SEPSECS: variants seen among roughly 807,000 people sequenced by gnomAD.
SEPSECS encodes O-phosphoseryl-tRNA(Sec) selenium transferase.
SEPSECS carries 42 observed loss-of-function variants against 52.1 expected under a neutral mutation model. The observed-to-expected ratio is 0.81, with a 90% confidence interval of 0.63 to 1.04. The LOEUF is 1.04. SEPSECS is among the 50% of genes least tolerant of loss of function. The pLI is 0.00. For synonymous variants in SEPSECS, 216 were observed against 211.4 expected (o/e 1.02, Z -0.19); for missense variants, 590 against 610.6 (o/e 0.97, Z 0.36).
chr4:25,152,647 A>G (rs1310746463), intron 5 of SEPSECS, among the ~76,000 whole-genome samples: 1 of 151,902 alleles, frequency 6.6e-6, no homozygotes, highest in East Asian at 1.9e-4. Flanking sequence ...TTTTAAATCC[A>G]CCCTTATCTA....
intron 3 of SEPSECS, among the ~76,000 whole-genome samples, chr4:25,156,474 G>A (rs1329495000): frequency 3.3e-5 from 5 of 151,794 alleles, no homozygotes; most frequent in Non-Finnish European, 7.4e-5. Flanking sequence ...GGAGGCCAAG[G>A]CGGGCGGATC....
chr4:25,129,300 A>C (rs1728515602), intron 8 of SEPSECS, among the ~76,000 whole-genome samples: 1 of 151,016 alleles, frequency 6.6e-6, no homozygotes, highest in Non-Finnish European at 1.5e-5. Flanking sequence ...TTCCAGAAAC[A>C]AAAAAAAAGC....
Position 25,160,437 on chromosome 4 carries a change from C to T in SEPSECS, c.-68G>A, listed in dbSNP as rs1713007305. The T allele has an allele frequency of 7.8e-7, 1 of 1,284,456 alleles. No homozygotes were observed. Among genetic ancestry groups the T allele is most frequent in the East Asian group, 2.6e-5 (1 of 38,900 alleles). The allele number at this position is 1,284,456 out of a possible 1,614,324, so 79.6% of individuals were successfully genotyped here. A position where few individuals can be genotyped will look rare whatever the true frequency, so the allele number is the denominator to read the frequency against. On this transcript the variant is annotated 5_prime_UTR_variant, in exon 1 of 11. Coordinates refer to ENST00000382103, the MANE Select transcript of SEPSECS (RefSeq NM_016955.4). ...CCACACGCCAGACACACGACGGAACCAGAATGCAACTCGCCGCCTGGACGG... is the reference window on the plus strand; with the variant it reads ...CCACACGCCAGACACACGACGGAACTAGAATGCAACTCGCCGCCTGGACGG...
chr4:25,142,794 T>C (rs1164067548), intron 8 of SEPSECS, among the ~76,000 whole-genome samples: 1 of 152,240 alleles, frequency 6.6e-6, no homozygotes, highest in Non-Finnish European at 1.5e-5. Flanking sequence ...ATATGCCTTA[T>C]ACTGGATTAC....
At position 25,121,055 on chromosome 4, in the gene SEPSECS, T is replaced by A. The variant is rs543762811; in HGVS notation, c.*2876A>T. 1.1e-4 allele frequency: 17 copies of A among 152,160 alleles called. No individual in the cohort carries two copies. Among genetic ancestry groups the A allele is most frequent in the Non-Finnish European group, 1.6e-4 (11 of 68,000 alleles). 9.4% of individuals were successfully genotyped at this position (152,160 alleles called of 1,614,324 possible). The stretch of plus-strand genomic sequence containing the variant: ...TTATATTTAAATTTACCATTCTGTA[T>A]ATCAAGTGCCTATTGGCTGAACAGA... On this transcript the variant is annotated 3_prime_UTR_variant, in exon 11 of 11. Transcript: ENST00000382103.
At chr4:25,136,114 G>T (rs1728831211) in intron 8 of SEPSECS, among the ~76,000 whole-genome samples, 1 of 152,076 alleles carries the variant, frequency 6.6e-6, no homozygotes, top group South Asian at 2.1e-4. Context: ...ATGGGCAAAA[G>T]CTGGAAGCAT....
intron 8 of SEPSECS, among the ~76,000 whole-genome samples, chr4:25,127,791 G>T (rs1424935474): frequency 1.3e-5 from 2 of 152,094 alleles, no homozygotes; most frequent in African/African-American, 2.4e-5. Flanking sequence ...CTCCCCTGAT[G>T]ACTTCCTCCA....
At chr4:25,144,695 C>A in intron 8 of SEPSECS, 79 bp downstream of exon 8, 1 of 1,038,942 alleles carries the variant, frequency 9.6e-7, no homozygotes, top group Non-Finnish European at 1.5e-6. Flanking sequence ...GTGCAAGAAA[C>A]CAACAGGCAG....
At chr4:25,142,447 C>G (rs1711627582) in intron 8 of SEPSECS, among the ~76,000 whole-genome samples, 1 of 152,190 alleles carries the variant, frequency 6.6e-6, no homozygotes, top group Non-Finnish European at 1.5e-5. Flanking sequence ...CTGTTTATTG[C>G]TGGTTTCCCC....
In SEPSECS at chr4:25,156,060, C is replaced by T; in HGVS notation, c.524G>A (p.Cys175Tyr). The stretch of plus-strand genomic sequence containing the variant: ...ACCTGCAGTGATCATGGATTTAAAG[C>T]AGGACTTCTGGTCTATTCGTGGCCA... ...IIWPRIDQKS[C>Y]FKSMITAGFE... is the part of the protein sequence containing the mutation. Residue 175 changes from cysteine (C) to tyrosine (Y), a missense_variant, in exon 4 of 11, where the codon TGC becomes TAC. Physicochemically the swap from Cys to Tyr is radical, Grantham distance 194. Coordinates refer to ENST00000382103, the MANE Select transcript of SEPSECS (RefSeq NM_016955.4). 2 of 1,613,898 alleles carry T rather than the reference C, an allele frequency of 1.2e-6. No homozygotes were observed. The highest frequency in any genetic ancestry group is 1.7e-6 in the Non-Finnish European group (2 of 1,179,874).
intron 6 of SEPSECS, among the ~76,000 whole-genome samples, chr4:25,147,531 C>T (rs1712036858): frequency 6.6e-6 from 1 of 152,192 alleles, no homozygotes. Flanking sequence ...TCCATTGTGA[C>T]TCAAAATAAT....
intron 2 of SEPSECS, 32 bp from the exon 3 acceptor site, chr4:25,157,006 A>C: frequency 9.1e-7 from 1 of 1,104,956 alleles, no homozygotes; most frequent in Non-Finnish European, 1.4e-6. Flanking sequence ...AACTGGACAA[A>C]TACATTCAGC....
intron 5 of SEPSECS, 58 bp downstream of exon 5, chr4:25,154,940 T>C (rs1712528041): frequency 2.0e-6 from 3 of 1,506,948 alleles, no homozygotes; most frequent in Non-Finnish European, 2.8e-6. Flanking sequence ...TGAGAATTAG[T>C]ATATTTTATT....
chr4:25,124,150 G>T lies in SEPSECS; in HGVS notation c.1287C>A (p.Tyr429Ter), dbSNP rs201427786. 8.2e-5 allele frequency: 132 copies of T among 1,613,466 alleles called. No individual in the cohort carries two copies. ...ATGCAGCATTGAGGTAAGCACAAGG[G>T]TAATTATTTGTATGTGACATAAAGC... ...FRGFMSHTNN[Y>*]PCAYLNAASA... Residue 429 changes from tyrosine to a stop codon, truncating the protein, a stop_gained, in exon 11 of 11, where the codon TAC becomes TAA. Coordinates refer to ENST00000382103, the MANE Select transcript of SEPSECS (RefSeq NM_016955.4). LOFTEE classifies it high-confidence loss of function.
chr4:25,156,025 C>G lies in SEPSECS; in HGVS notation c.547+12G>C. 6.2e-7 allele frequency: 1 copy of G among 1,608,190 alleles called. No homozygotes were observed. Among genetic ancestry groups the G allele is most frequent in the Non-Finnish European group, 8.5e-7 (1 of 1,174,836 alleles). ...ATGATGTTTAAAACATTATGTATGA[C>G]ACTTCTCTTACCTGCAGTGATCATG... On this transcript the variant is annotated intron_variant, in intron 4 of 10. Coordinates refer to ENST00000382103, the MANE Select transcript of SEPSECS (RefSeq NM_016955.4).
Position 25,156,113 on chromosome 4 carries a change from G to A in SEPSECS, c.471C>T (p.His157=), listed in dbSNP as rs772214074. 6.2e-7 allele frequency: 1 copy of A among 1,613,810 alleles called. No individual in the cohort carries two copies. Among genetic ancestry groups the A allele is most frequent in the Non-Finnish European group, 8.5e-7 (1 of 1,179,808 alleles). The stretch of plus-strand genomic sequence containing the variant: ...TAATATACTTTGCCTTTGGTCTTTT[G>A]TGTCGTAATGTTAAGAAACACAGAG... ...SLTLCFLTLR[H]KRPKAKYIIW... The change falls in exon 4 of 11, where the codon CAC becomes CAT. Residue 157 remains histidine, a synonymous_variant. Coordinates refer to ENST00000382103, the MANE Select transcript of SEPSECS (RefSeq NM_016955.4).
Position 25,122,241 on chromosome 4 carries a change from A to G in SEPSECS, c.*1690T>C, listed in dbSNP as rs551684417. On this transcript the variant is annotated 3_prime_UTR_variant, in exon 11 of 11. Coordinates refer to ENST00000382103, the MANE Select transcript of SEPSECS (RefSeq NM_016955.4). ...TCATAGTTAAATACTTCATCTCAAA[A>G]TAGTCATTGACTTCCAAGGTGGTCA... 6 of 152,298 alleles carry G rather than the reference A, an allele frequency of 3.9e-5. No individual in the cohort carries two copies. The highest frequency in any genetic ancestry group is 1.2e-4 in the African/African-American group (5 of 41,576). 9.4% of individuals were successfully genotyped at this position (152,298 alleles called of 1,614,324 possible).
At chr4:25,144,956 A>G in intron 7 of SEPSECS, 48 bp downstream of exon 7, 1 of 1,610,146 alleles carries the variant, frequency 6.2e-7, no homozygotes, top group Non-Finnish European at 8.5e-7. Flanking sequence ...GTACAAATGG[A>G]TTTTTGTTTG....
At chr4:25,159,744 CCT>C in intron 1 of SEPSECS, 2 of 981,484 alleles carry the variant, frequency 2.0e-6, no homozygotes, top group Non-Finnish European at 2.5e-6. Context: ...TGCATTCCAG[CCT>C]GGGCGAAAGA....
Sources: allele counts gnomAD v4.1 joint callset (sites outside exome capture counted in the v4.1 genomes callset), GRCh38; gene constraint gnomAD v4.1.1; transcripts MANE v1.5; gene names NCBI Gene and HGNC (gene_info 2026-07-23, HGNC 2026-07-21).